The following CENPE variants were observed in gnomAD, a reference collection of about 807,000 sequenced individuals.
The protein encoded by CENPE is centromere-associated protein E.
In CENPE, 145 loss-of-function variants were observed where a neutral mutation model predicts 336.1. The observed-to-expected ratio is 0.43, with a 90% CI of 0.38 to 0.50. The LOEUF is 0.50. Ranked by LOEUF, CENPE falls within the 20% of genes least tolerant of loss-of-function variation. The probability of loss-of-function intolerance (pLI) is 0.00; values close to 1 mark genes in which losing one functional copy is unlikely to be tolerated. For missense variants in CENPE, 2,719 were observed against 3,023.3 expected (o/e 0.90, Z 2.36); for synonymous variants, 1,013 against 984.8 (o/e 1.03, Z -0.54).
At chr4:103,176,247 G>A (rs1312522979) in intron 14 of CENPE, among the ~76,000 whole-genome samples, 199 bp from the exon 15 acceptor site, 1 of 152,136 alleles carries the variant, frequency 6.6e-6, no homozygotes, top group African/African-American at 2.4e-5. Flanking sequence ...ATGATCACTG[G>A]TTGGAATTAG....
chr4:103,136,614 T>C (rs1255153560), intron 39 of CENPE, among the ~76,000 whole-genome samples: 2 of 152,318 alleles, frequency 1.3e-5, no homozygotes, highest in Admixed American at 1.3e-4. Context: ...ATTCTTAACA[T>C]TTTGATGCAT....
At chr4:103,151,147 A>T in intron 26 of CENPE, 72 bp downstream of exon 26, 1 of 1,403,804 alleles carries the variant, frequency 7.1e-7, no homozygotes, top group Non-Finnish European at 9.8e-7. Context: ...ATTTAGGTCT[A>T]CAGAAATAAA....
chr4:103,172,265 T>C (rs1755479261), intron 16 of CENPE, among the ~76,000 whole-genome samples: 1 of 152,014 alleles, frequency 6.6e-6, no homozygotes, highest in African/African-American at 2.4e-5. Flanking sequence ...CATGAACAAG[T>C]GGGATTTATC....
intron 45 of CENPE, among the ~76,000 whole-genome samples, chr4:103,115,424 G>A (rs187066088): frequency 9.1e-4 from 138 of 151,784 alleles, no homozygotes; most frequent in African/African-American, 3.1e-3. Flanking sequence ...GTGAGCCACC[G>A]TGCCCGGCCC....
chr4:103,123,422 T>G (rs1475257500), intron 42 of CENPE, among the ~76,000 whole-genome samples: 6 of 152,158 alleles, frequency 3.9e-5, no homozygotes, highest in Admixed American at 6.5e-5. Flanking sequence ...TTATTTTAAT[T>G]AATAATGGCC....
chr4:103,165,890 A>G lies in CENPE; in HGVS notation c.1648-2337T>C, dbSNP rs548304455. ...TGAGCTTTGTGTTTTAAAAAAAAAA[A>G]AAAGAAAAAAAAGAAAAAGAAATTT... is the stretch of plus-strand genomic sequence containing the variant. On this transcript the variant is annotated intron_variant, in intron 16 of 48. Transcript: ENST00000265148. Among the ~76,000 whole-genome samples, 11 of 151,492 alleles carry G rather than the reference A, an allele frequency of 7.3e-5. No individual in the cohort carries two copies. The East Asian group carries it at 9.7e-4, about 13-fold the overall frequency.
At chr4:103,166,398 A>T (rs947575000) in intron 16 of CENPE, among the ~76,000 whole-genome samples, 1 of 152,194 alleles carries the variant, frequency 6.6e-6, no homozygotes, top group Admixed American at 6.5e-5. Context: ...TCCCTTCCAT[A>T]AAACCTAGTT....
chr4:103,144,226 G>A (rs995646294), intron 33 of CENPE, 105 bp downstream of exon 33: 23 of 949,496 alleles, frequency 2.4e-5, no homozygotes, highest in African/African-American at 3.3e-5. Flanking sequence ...TCGAGCCACC[G>A]CGCCCGGCCT....
At chr4:103,138,507 T>G (rs1009855404) in intron 38 of CENPE, 58 bp from the exon 39 acceptor site, 4 of 1,064,806 alleles carry the variant, frequency 3.8e-6, no homozygotes, top group Non-Finnish European at 5.8e-6. Flanking sequence ...TCACATATAA[T>G]GTCTAATCGC....
Position 103,185,823 on chromosome 4 carries a change from T to C in CENPE, c.732A>G (p.Gln244=), listed in dbSNP as rs1476333211. ...AGTTTTAATTACCTGCAGCGCCTGT[T>C]TGAGCAGCTCTTTCACTGCCTGCAA... ...VDLAGSERAA[Q]TGAAGVRLKE... is the part of the protein sequence containing the mutation. The change falls in exon 9 of 49, where the codon CAA becomes CAG. Residue 244 remains glutamine (Q), a synonymous_variant. Transcript: ENST00000265148. 1.2e-6 allele frequency: 2 copies of C among 1,609,706 alleles called. No homozygotes were observed. The highest frequency in any genetic ancestry group is 2.2e-5 in the East Asian group (1 of 44,748).
chr4:103,164,516 G>A (rs1230639069), intron 16 of CENPE, among the ~76,000 whole-genome samples: 5 of 151,980 alleles, frequency 3.3e-5, no homozygotes, highest in East Asian at 3.9e-4. Context: ...GAAACATAAT[G>A]TCAGACACAT....
At chr4:103,135,715 C>T (rs934378134) in intron 40 of CENPE, among the ~76,000 whole-genome samples, 2 of 151,884 alleles carry the variant, frequency 1.3e-5, no homozygotes, top group Non-Finnish European at 2.9e-5. Flanking sequence ...ATCCTGTTAC[C>T]ACCACCACTT....
intron 42 of CENPE, among the ~76,000 whole-genome samples, chr4:103,132,366 A>G (rs1751658843): frequency 6.6e-6 from 1 of 152,186 alleles, no homozygotes; most frequent in Non-Finnish European, 1.5e-5. Context: ...AAACAGACTC[A>G]TGTCTTACGA....
intron 46 of CENPE, among the ~76,000 whole-genome samples, chr4:103,113,761 T>A (rs930462803): frequency 6.7e-6 from 1 of 149,616 alleles, no homozygotes; most frequent in African/African-American, 2.4e-5. Flanking sequence ...CATACATATA[T>A]GCTTATAAGT....
At position 103,161,328 on chromosome 4, in the gene CENPE, T is replaced by C; in HGVS notation, c.1965+7A>G. 6.2e-7 allele frequency: 1 copy of C among 1,607,592 alleles called. No homozygotes were observed. The highest frequency in any genetic ancestry group is 1.3e-5 in the African/African-American group (1 of 74,538). ...ACTTTATTATAAATATTACAAAAAA[T>C]ACTTACCATTTTCTCCTTCAGCTCC... On this transcript the variant is annotated splice_region_variant and intron_variant, in intron 19 of 48. Transcript: ENST00000265148.
At chr4:103,167,318 ACAAATCCATCAAGAGGTAGATACAC>A (rs1199152881) in intron 16 of CENPE, among the ~76,000 whole-genome samples, 1 of 152,160 alleles carries the variant, frequency 6.6e-6, no homozygotes, top group African/African-American at 2.4e-5. Context: ...CAATTTCAAG[ACAAATCCATCAAGAGGTAGATACAC>A]CAACCCTTCC....
chr4:103,116,062 T>A (rs1187493097), intron 45 of CENPE, among the ~76,000 whole-genome samples: 1 of 152,220 alleles, frequency 6.6e-6, no homozygotes, highest in Non-Finnish European at 1.5e-5. Flanking sequence ...TTCATTATGC[T>A]ATACCACAAA....
At chr4:103,149,589 T>A (rs1219408608) in intron 26 of CENPE, among the ~76,000 whole-genome samples, 181 bp from the exon 27 acceptor site, 2 of 152,144 alleles carry the variant, frequency 1.3e-5, no homozygotes, top group Non-Finnish European at 2.9e-5. Flanking sequence ...AAAATTCATG[T>A]CTCCCAGGAA....
At chr4:103,151,125 T>C (rs897327716) in intron 26 of CENPE, 94 bp downstream of exon 26, 1 of 1,109,588 alleles carries the variant, frequency 9.0e-7, no homozygotes, top group African/African-American at 1.6e-5. Context: ...GGGAGGTATG[T>C]GCTATTTCTG....
Sources: allele counts gnomAD v4.1 joint callset (sites outside exome capture counted in the v4.1 genomes callset), GRCh38; gene constraint gnomAD v4.1.1; transcripts MANE v1.5; gene names NCBI Gene and HGNC (gene_info 2026-07-23, HGNC 2026-07-21).